Variants in SMCHD1 observed in about 807,000 individuals in gnomAD.
SMCHD1 encodes the protein structural maintenance of chromosomes flexible hinge domain-containing protein 1.
Under a neutral mutation model 254.7 loss-of-function variants are expected in SMCHD1, and 78 were observed. That is an observed-to-expected ratio of 0.31 (90% confidence interval 0.26 to 0.37). SMCHD1 has a LOEUF of 0.37. SMCHD1 is among the 10% of genes least tolerant of loss of function. The probability of loss-of-function intolerance (pLI) is 1.00; values close to 1 mark genes in which losing one functional copy is unlikely to be tolerated. For synonymous variants in SMCHD1, 766 were observed against 794.9 expected (o/e 0.96, Z 0.61); for missense variants, 1,840 against 2,408.1 (o/e 0.76, Z 4.94).
chr18:2,792,509 G>T (rs1001275883), intron 45 of SMCHD1, among the ~76,000 whole-genome samples: 3 of 152,206 alleles, frequency 2.0e-5, no homozygotes, highest in Non-Finnish European at 2.9e-5. Flanking sequence ...ACAGGGTTCA[G>T]TAGTATCCAC....
chr18:2,714,173 G>T (rs1166459985), intron 17 of SMCHD1, among the ~76,000 whole-genome samples: 1 of 152,096 alleles, frequency 6.6e-6, no homozygotes, highest in Non-Finnish European at 1.5e-5. Flanking sequence ...CTAGGCACTG[G>T]TATTTGGTAC....
At chr18:2,687,194 T>C (rs2074071711) in intron 5 of SMCHD1, among the ~76,000 whole-genome samples, 1 of 152,228 alleles carries the variant, frequency 6.6e-6, no homozygotes, top group Non-Finnish European at 1.5e-5. Flanking sequence ...ACACCAGTTT[T>C]TCACCACACC....
chr18:2,679,794 T>G (rs1432067932), intron 5 of SMCHD1, among the ~76,000 whole-genome samples: 3 of 152,154 alleles, frequency 2.0e-5, no homozygotes, highest in Non-Finnish European at 4.4e-5. Flanking sequence ...TTTGGCCATT[T>G]TTTTCTCTAA....
chr18:2,711,316 C>A (rs1027146070), intron 17 of SMCHD1, among the ~76,000 whole-genome samples: 1 of 150,298 alleles, frequency 6.7e-6, no homozygotes, highest in Admixed American at 6.6e-5. Flanking sequence ...CCAGGCTAGT[C>A]TCAAACTCAT....
At position 2,718,545 on chromosome 18, in the gene SMCHD1, C is replaced by T. The variant is rs1286310943; in HGVS notation, c.2458+111C>T. The T allele has an allele frequency of 2.3e-5, 21 of 909,588 alleles. No homozygotes were observed. In the East Asian group the frequency reaches 5.2e-4, roughly 22 times the overall value. The allele number at this position is 909,588 out of a possible 1,614,324, so 56.3% of individuals were successfully genotyped here. A position where few individuals can be genotyped will look rare whatever the true frequency, so the allele number is the denominator to read the frequency against. ...TGTTTGAACAATTGGGTAACCATCT[C>T]GATTTTATTTTATTTTCTTACTTAC... On this transcript the variant is annotated intron_variant, in intron 19 of 47. Transcript: ENST00000320876. This position sits in a 1 kb window ranked among gnomAD's most constrained non-coding sequence, Gnocchi z 4.6.
At chr18:2,750,256 T>A in intron 31 of SMCHD1, 94 bp from the exon 32 acceptor site, 1 of 1,430,364 alleles carries the variant, frequency 7.0e-7, no homozygotes, top group Non-Finnish European at 9.5e-7. Flanking sequence ...AGTTGAGAGG[T>A]TTTTCTAAGA....
intron 47 of SMCHD1, among the ~76,000 whole-genome samples, chr18:2,801,897 G>A (rs1174738131): frequency 6.6e-6 from 1 of 152,036 alleles, no homozygotes; most frequent in Non-Finnish European, 1.5e-5. Context: ...AGCAATATAT[G>A]ATACTATGCA....
intron 45 of SMCHD1, among the ~76,000 whole-genome samples, chr18:2,793,422 G>T (rs370649526): frequency 3.3e-5 from 5 of 152,174 alleles, no homozygotes; most frequent in African/African-American, 7.2e-5. Flanking sequence ...CCAGCACTTT[G>T]GGAGGCTGAG....
chr18:2,682,168 T>G (rs12954085), intron 5 of SMCHD1, among the ~76,000 whole-genome samples: 62,159 of 150,532 alleles, frequency 0.41, 14,603 homozygotes, highest in East Asian at 0.6. Flanking sequence ...AAGTTTGGTG[T>G]TTTTTTTTTC....
chr18:2,726,228 C>A (rs1173193669), intron 21 of SMCHD1, among the ~76,000 whole-genome samples: 2 of 151,818 alleles, frequency 1.3e-5, no homozygotes, highest in African/African-American at 4.8e-5. Context: ...TAGATTCTAC[C>A]ATAATTCTCT....
chr18:2,740,518 A>G (rs2075329507), intron 27 of SMCHD1, among the ~76,000 whole-genome samples, 185 bp from the exon 28 acceptor site: 1 of 152,172 alleles, frequency 6.6e-6, no homozygotes, highest in South Asian at 2.1e-4. Context: ...AAATATGCTT[A>G]TGTAAATTCT....
chr18:2,756,535 G>A (rs529811096), intron 34 of SMCHD1, among the ~76,000 whole-genome samples: 1 of 152,184 alleles, frequency 6.6e-6, no homozygotes, highest in Non-Finnish European at 1.5e-5. Context: ...TTCAAATTCA[G>A]AAGTTATAGA....
At chr18:2,680,485 G>A (rs1217828448) in intron 5 of SMCHD1, among the ~76,000 whole-genome samples, 2 of 152,150 alleles carry the variant, frequency 1.3e-5, no homozygotes, top group African/African-American at 4.8e-5. Context: ...CCCAGCTTTT[G>A]CTGAGGGGCT....
At chr18:2,790,024 A>G (rs2143836274) in intron 45 of SMCHD1, among the ~76,000 whole-genome samples, 1 of 152,284 alleles carries the variant, frequency 6.6e-6, no homozygotes, top group South Asian at 2.1e-4. Context: ...TCTACTAAAA[A>G]TAAAAAAAGT....
intron 19 of SMCHD1, among the ~76,000 whole-genome samples, chr18:2,721,937 G>A (rs2074935406): frequency 6.6e-6 from 1 of 152,114 alleles, no homozygotes; most frequent in Non-Finnish European, 1.5e-5. Flanking sequence ...TTTGAGATAG[G>A]CCCTAGAATT....
At chr18:2,770,801 A>G (rs1225294212) in intron 39 of SMCHD1, among the ~76,000 whole-genome samples, 1 of 151,972 alleles carries the variant, frequency 6.6e-6, no homozygotes, top group Non-Finnish European at 1.5e-5. Context: ...TTGTATTTTT[A>G]GTAGAGACGG....
intron 34 of SMCHD1, among the ~76,000 whole-genome samples, chr18:2,759,645 C>G (rs1031167293): frequency 4.6e-5 from 6 of 129,296 alleles, no homozygotes; most frequent in African/African-American, 1.1e-4. Flanking sequence ...TCTTGGCTCA[C>G]AGCAACCTCT....
intron 1 of SMCHD1, among the ~76,000 whole-genome samples, chr18:2,664,841 A>G (rs1396419308): frequency 1.3e-5 from 2 of 152,228 alleles, no homozygotes; most frequent in Non-Finnish European, 2.9e-5. Flanking sequence ...AGCCAGAGCT[A>G]TTTTGGTTAT....
At chr18:2,796,604 G>A (rs750443202) in intron 47 of SMCHD1, 83 bp downstream of exon 47, 42 of 929,618 alleles carry the variant, frequency 4.5e-5, no homozygotes, top group Non-Finnish European at 6.6e-5. Flanking sequence ...TTTTTGAGAT[G>A]AAGTCTTGCT....
Sources: gnomAD v4.1 joint callset for allele counts (sites outside exome capture counted in the v4.1 genomes callset) on GRCh38, gnomAD v4.1.1 for gene constraint, Gnocchi (gnomAD v3.1) non-coding constraint, MANE v1.5 for transcripts, NCBI Gene and HGNC (gene_info 2026-07-23, HGNC 2026-07-21) for gene names.